The following PALLD variants were observed in gnomAD, a reference collection of about 807,000 sequenced individuals.
PALLD encodes the protein palladin.
PALLD carries 61 observed loss-of-function variants against 123.5 expected under a neutral mutation model. The ratio of observed to expected loss-of-function variants is 0.49; its 90% confidence interval spans 0.40 to 0.61. PALLD has a LOEUF of 0.61. Among genes scored for constraint, PALLD ranks in the 20% least tolerant of loss-of-function variants. The pLI, the probability that PALLD is intolerant of heterozygous loss-of-function variation, is 0.00. For missense variants in PALLD, 1,273 were observed against 1,377.0 expected (o/e 0.92, Z 1.20); for synonymous variants, 465 against 496.4 (o/e 0.94, Z 0.84).
At chr4:168,837,174 A>G (rs1357224150) in intron 10 of PALLD, among the ~76,000 whole-genome samples, 1 of 152,196 alleles carries the variant, frequency 6.6e-6, no homozygotes, top group Admixed American at 6.5e-5. Context: ...AACAGAGGAA[A>G]GAGAAGAGGG....
At chr4:168,609,886 C>T (rs1028706917) in intron 2 of PALLD, among the ~76,000 whole-genome samples, 2 of 152,114 alleles carry the variant, frequency 1.3e-5, no homozygotes, top group Non-Finnish European at 1.5e-5. Flanking sequence ...AGATATTGTC[C>T]TCCACAATGC....
chr4:168,667,393 G>A (rs1779757385), intron 2 of PALLD, among the ~76,000 whole-genome samples: 1 of 152,036 alleles, frequency 6.6e-6, no homozygotes, highest in African/African-American at 2.4e-5. Context: ...GTTTTTTTAG[G>A]GCAGCTTTGG....
intron 2 of PALLD, among the ~76,000 whole-genome samples, chr4:168,644,624 G>T (rs1322221423): frequency 1.3e-5 from 2 of 152,188 alleles, no homozygotes; most frequent in Admixed American, 1.3e-4. Context: ...CCATGTGGTA[G>T]TTGTAGGAGA....
chr4:168,833,734 A>ATT (rs112620791), intron 10 of PALLD, among the ~76,000 whole-genome samples: 3 of 145,738 alleles, frequency 2.1e-5, no homozygotes, highest in South Asian at 2.2e-4. Flanking sequence ...CTTTCTTGCT[A>ATT]TTTTTTTTTT....
chr4:168,927,762 TTC>T lies in PALLD; in HGVS notation c.*1584_*1585del, dbSNP rs1762740748. The T allele has an allele frequency of 5.4e-5, 12 of 221,242 alleles. No individual in the cohort carries two copies. The Admixed American group carries it at 6.9e-4, about 13-fold the overall frequency. 13.7% of individuals were successfully genotyped at this position (221,242 alleles called of 1,614,324 possible). A position where few individuals can be genotyped will look rare whatever the true frequency, so the allele number is the denominator to read the frequency against. On this transcript the variant is annotated 3_prime_UTR_variant, in exon 22 of 22. Coordinates refer to ENST00000505667, the MANE Select transcript of PALLD (RefSeq NM_001166108.2). The stretch of plus-strand genomic sequence containing the variant: ...TTTTGCATCAGCTAGACTGAGTTGA[TTC>T]TGACCAGACTTGATGGTTTTAAGTC...
intron 2 of PALLD, among the ~76,000 whole-genome samples, chr4:168,658,419 G>A (rs1187099684): frequency 6.6e-6 from 1 of 151,360 alleles, no homozygotes; most frequent in Non-Finnish European, 1.5e-5. Context: ...TGAGTACCTG[G>A]GACTACTGAC....
chr4:168,877,986 TCGGGCCCG>T, intron 10 of PALLD: 1 of 1,499,560 alleles, frequency 6.7e-7, no homozygotes, highest in Non-Finnish European at 8.8e-7. Context: ...GCGCAGAACC[TCGGGCCCG>T]CGTCGGGCCA....
At chr4:168,744,839 A>T (rs1173687798) in intron 10 of PALLD, among the ~76,000 whole-genome samples, 3 of 152,220 alleles carry the variant, frequency 2.0e-5, no homozygotes, top group Admixed American at 2.0e-4. Context: ...TTTGTGTTGG[A>T]TGAGTTTGTC....
In PALLD at chr4:168,869,768, A is replaced by G. The variant is rs1226192703; in HGVS notation, c.1965-21154A>G. Among the ~76,000 whole-genome samples the G allele has an allele frequency of 9.9e-5, 15 of 152,176 alleles. No homozygotes were observed. Among genetic ancestry groups the G allele is most frequent in the African/African-American group, 3.6e-4 (15 of 41,440 alleles). On this transcript the variant is annotated intron_variant, in intron 10 of 21. Coordinates refer to ENST00000505667, the MANE Select transcript of PALLD (RefSeq NM_001166108.2). The surrounding 1 kb of genome is among the most constrained non-coding windows in gnomAD (Gnocchi z 4.5). The stretch of plus-strand genomic sequence containing the variant: ...AAGTGAAGTAGCACATTTATGTTAC[A>G]TGGAAGTGGATAGTGGAATTCAGGA...
rs796879667 is a variant in PALLD, at chr4:168,869,083, G to A, written c.1965-21839G>A. Among the ~76,000 whole-genome samples, 114 of 152,226 alleles carry A rather than the reference G, an allele frequency of 7.5e-4. 1 individual carries two copies. The highest frequency in any genetic ancestry group is 2.5e-3 in the African/African-American group (103 of 41,538). On this transcript the variant is annotated intron_variant, in intron 10 of 21. Coordinates refer to ENST00000505667, the MANE Select transcript of PALLD (RefSeq NM_001166108.2). This position sits in a 1 kb window ranked among gnomAD's most constrained non-coding sequence, Gnocchi z 4.5. ...ACCAGGTTCACAAACGTTCTCATTC[G>A]GGTTTGGGAGTTTCACATTTTGGAT...
chr4:168,837,606 A>T (rs1188591304), intron 10 of PALLD, among the ~76,000 whole-genome samples: 2 of 152,220 alleles, frequency 1.3e-5, no homozygotes, highest in Non-Finnish European at 2.9e-5. Flanking sequence ...TGTTGAACAC[A>T]TTTTATGTCA....
At chr4:168,720,520 C>T (rs1244853578) in intron 10 of PALLD, among the ~76,000 whole-genome samples, 4 of 152,126 alleles carry the variant, frequency 2.6e-5, no homozygotes, top group African/African-American at 9.7e-5. Context: ...TAAAATTATA[C>T]ACACACTCTG....
intron 10 of PALLD, among the ~76,000 whole-genome samples, chr4:168,780,709 A>G (rs983024265): frequency 6.6e-6 from 1 of 152,006 alleles, no homozygotes; most frequent in Admixed American, 6.6e-5. Context: ...GTTTTTGGAG[A>G]CAGAGTCTCA....
intron 1 of PALLD, among the ~76,000 whole-genome samples, chr4:168,497,843 C>T (rs1041640915): frequency 1.3e-5 from 2 of 152,174 alleles, no homozygotes; most frequent in Admixed American, 6.5e-5. Context: ...TAATTTTTAT[C>T]ATGTTGTTTT....
At chr4:168,925,162 C>T in intron 20 of PALLD, 71 bp from the exon 21 acceptor site, 1 of 1,581,420 alleles carries the variant, frequency 6.3e-7, no homozygotes, top group East Asian at 2.2e-5. Flanking sequence ...TCACATTACT[C>T]TTTATAAACA....
chr4:168,818,946 T>C (rs139781762), intron 10 of PALLD, among the ~76,000 whole-genome samples: 47 of 152,352 alleles, frequency 3.1e-4, no homozygotes, highest in Non-Finnish European at 3.8e-4. Context: ...ATAGTGCTAG[T>C]GTGTTATACA....
chr4:168,714,804 T>G (rs922770328), intron 10 of PALLD, among the ~76,000 whole-genome samples: 1 of 151,876 alleles, frequency 6.6e-6, no homozygotes, highest in African/African-American at 2.4e-5. Context: ...TGAATTAATC[T>G]GAAAATGGTG....
At chr4:168,674,132 C>G (rs1254382999) in intron 3 of PALLD, among the ~76,000 whole-genome samples, 4 of 152,094 alleles carry the variant, frequency 2.6e-5, no homozygotes, top group Non-Finnish European at 5.9e-5. Context: ...CCAGGCTGGT[C>G]TCAAACTCCT....
At chr4:168,632,882 G>A (rs1775973197) in intron 2 of PALLD, among the ~76,000 whole-genome samples, 1 of 152,178 alleles carries the variant, frequency 6.6e-6, no homozygotes, top group African/African-American at 2.4e-5. Context: ...AACACCCCCA[G>A]AATGCTGAAG....
Sources: gnomAD v4.1 joint callset for allele counts (sites outside exome capture counted in the v4.1 genomes callset) on GRCh38, gnomAD v4.1.1 for gene constraint, Gnocchi (gnomAD v3.1) non-coding constraint, MANE v1.5 for transcripts, NCBI Gene and HGNC (gene_info 2026-07-23, HGNC 2026-07-21) for gene names.